Variants in ZNF148 observed in about 807,000 individuals in gnomAD.
ZNF148 encodes Beta-Enolase Repressor Factor-1.
Under a neutral mutation model 67.7 loss-of-function variants are expected in ZNF148, and 7 were observed. The ratio of observed to expected loss-of-function variants is 0.10; its 90% CI spans 0.06 to 0.19. The LOEUF (loss-of-function observed/expected upper bound fraction) is 0.19. ZNF148 is among the 10% of genes least tolerant of loss of function. The pLI is 1.00. For synonymous variants in ZNF148, 333 were observed against 330.7 expected, an observed-to-expected ratio of 1.01 and a Z score of -0.08; for missense variants, 583 against 947.1, an observed-to-expected ratio of 0.62 and a Z score of 5.05.
intron 3 of ZNF148, among the ~76,000 whole-genome samples, chr3:125,314,469 T>C (rs1940388184): frequency 6.6e-6 from 1 of 152,202 alleles, no homozygotes; most frequent in Non-Finnish European, 1.5e-5. Flanking sequence ...ACCTAAGTAA[T>C]GACCAACTTT....
At chr3:125,261,775 T>A (rs1000842877) in intron 7 of ZNF148, among the ~76,000 whole-genome samples, 1 of 147,370 alleles carries the variant, frequency 6.8e-6, no homozygotes, top group Non-Finnish European at 1.5e-5. Context: ...AACAGAGGTC[T>A]AAGAACTGAG....
intron 4 of ZNF148, among the ~76,000 whole-genome samples, chr3:125,306,735 G>A (rs1207331120): frequency 6.6e-6 from 1 of 151,934 alleles, no homozygotes; most frequent in Non-Finnish European, 1.5e-5. Context: ...TGACATGTGT[G>A]TATAGTCCCA....
intron 1 of ZNF148, among the ~76,000 whole-genome samples, chr3:125,350,842 T>C (rs1438540634): frequency 1.3e-5 from 2 of 152,138 alleles, no homozygotes; most frequent in Non-Finnish European, 2.9e-5. Flanking sequence ...ACACACACAA[T>C]GGAACATTAT....
intron 1 of ZNF148, among the ~76,000 whole-genome samples, chr3:125,343,200 T>C (rs1941803012): frequency 6.6e-6 from 1 of 152,224 alleles, no homozygotes; most frequent in Admixed American, 6.5e-5. Flanking sequence ...TTACGTGTTT[T>C]GGTTTAGTAT....
intron 7 of ZNF148, among the ~76,000 whole-genome samples, chr3:125,257,277 C>T (rs1250681587): frequency 6.6e-6 from 1 of 152,058 alleles, no homozygotes; most frequent in Non-Finnish European, 1.5e-5. Context: ...TTTGGCCGGG[C>T]ACGGTGGCTC....
intron 4 of ZNF148, among the ~76,000 whole-genome samples, chr3:125,291,004 C>T (rs750767378): frequency 2.0e-5 from 3 of 152,008 alleles, no homozygotes; most frequent in East Asian, 1.9e-4. Context: ...TGATAATAAG[C>T]GATGTAACAA....
intron 2 of ZNF148, among the ~76,000 whole-genome samples, chr3:125,327,062 A>G (rs1019349957): frequency 3.3e-5 from 5 of 151,902 alleles, no homozygotes; most frequent in African/African-American, 7.2e-5. Context: ...AAAGGATGGG[A>G]AAAAAAGGAT....
intron 7 of ZNF148, among the ~76,000 whole-genome samples, chr3:125,246,451 T>G (rs1936601550): frequency 6.6e-6 from 1 of 152,210 alleles, no homozygotes; most frequent in Non-Finnish European, 1.5e-5. Flanking sequence ...GTCTCAGCAT[T>G]TCTTACTGTG....
Position 125,227,159 on chromosome 3 carries a change from A to G in ZNF148, c.*5182T>C, listed in dbSNP as rs1025131973. ...AGTATTCATCAAATATTTCCATTTC[A>G]CTACCCACTCAAGCATAGCAACCCA... On this transcript the variant is annotated 3_prime_UTR_variant, in exon 9 of 9. Transcript: ENST00000360647. 7 of 152,346 alleles carry G rather than the reference A, an allele frequency of 4.6e-5. No homozygotes were observed. Among genetic ancestry groups the G allele is most frequent in the Non-Finnish European group, 7.4e-5 (5 of 68,020 alleles). The allele number at this position is 152,346 out of a possible 1,614,324, so 9.4% of individuals were successfully genotyped here.
intron 7 of ZNF148, among the ~76,000 whole-genome samples, chr3:125,248,444 C>G (rs1014945455): frequency 6.6e-6 from 1 of 152,076 alleles, no homozygotes; most frequent in South Asian, 2.1e-4. Context: ...TAAAAGAAAC[C>G]CATCATCAGC....
intron 1 of ZNF148, chr3:125,344,589 G>A: frequency 1.2e-6 from 1 of 848,760 alleles, no homozygotes. Context: ...ATCCTTCTTT[G>A]CCACCATTTA....
At chr3:125,279,286 G>A in intron 5 of ZNF148, 39 bp from the exon 6 acceptor site, 12 of 1,427,246 alleles carry the variant, frequency 8.4e-6, no homozygotes, top group South Asian at 4.5e-5. Context: ...AAAGAAATAA[G>A]TTTTTAAAAT....
intron 3 of ZNF148, among the ~76,000 whole-genome samples, chr3:125,321,836 A>G (rs932240581): frequency 6.6e-6 from 1 of 152,072 alleles, no homozygotes; most frequent in Non-Finnish European, 1.5e-5. Flanking sequence ...AAAACTTCTT[A>G]AAACAAAATT....
chr3:125,253,437 T>G (rs963299769), intron 7 of ZNF148, among the ~76,000 whole-genome samples: 2 of 152,204 alleles, frequency 1.3e-5, no homozygotes, highest in African/African-American at 4.8e-5. Context: ...TTCTTTACTT[T>G]TTTTTTGTTC....
chr3:125,340,704 T>C (rs985190901), intron 1 of ZNF148, among the ~76,000 whole-genome samples: 9 of 152,144 alleles, frequency 5.9e-5, no homozygotes, highest in Admixed American at 5.9e-4. Context: ...ATGTCCATGA[T>C]GGCCGGGCGC....
At chr3:125,274,394 G>A (rs952815800) in intron 7 of ZNF148, among the ~76,000 whole-genome samples, 1 of 152,066 alleles carries the variant, frequency 6.6e-6, no homozygotes, top group African/African-American at 2.4e-5. Flanking sequence ...GCAGTCCTGA[G>A]GATATTTACA....
chr3:125,371,314 C>A (rs1038096879), intron 1 of ZNF148, among the ~76,000 whole-genome samples: 1 of 132,340 alleles, frequency 7.6e-6, no homozygotes, highest in South Asian at 2.3e-4. Flanking sequence ...TGGGAACATG[C>A]GCACTGCACT....
Position 125,344,330 on chromosome 3 carries a change from T to C in ZNF148, c.-233-13092A>G. ...AGTGACCTGAATGAAACAAATCTTG[T>C]ATCAAAAGAAGAAAATCCACTTCCA... On this transcript the variant is annotated intron_variant, in intron 1 of 8. Coordinates refer to ENST00000360647, the MANE Select transcript of ZNF148 (RefSeq NM_021964.3). 3 of 540,224 alleles carry C rather than the reference T, an allele frequency of 5.6e-6. No homozygotes were observed. The South Asian group carries it at 5.9e-5, about 11-fold the overall frequency. 33.5% of individuals were successfully genotyped at this position (540,224 alleles called of 1,614,324 possible). A position where few individuals can be genotyped will look rare whatever the true frequency, so the allele number is the denominator to read the frequency against.
chr3:125,264,805 G>A (rs979612351), intron 7 of ZNF148, among the ~76,000 whole-genome samples: 4 of 152,158 alleles, frequency 2.6e-5, no homozygotes, highest in Non-Finnish European at 5.9e-5. Flanking sequence ...GAGTATGATA[G>A]TAGTATTCCT....
Sources: gnomAD v4.1 joint callset for allele counts (sites outside exome capture counted in the v4.1 genomes callset) on GRCh38, gnomAD v4.1.1 for gene constraint, MANE v1.5 for transcripts, NCBI Gene and HGNC (gene_info 2026-07-23, HGNC 2026-07-21) for gene names.